Variants in KCNH5 observed in about 807,000 individuals in gnomAD.
The protein encoded by KCNH5 is potassium voltage-gated channel subfamily H member 5.
Under a neutral mutation model 96.1 loss-of-function variants are expected in KCNH5, and 46 were observed. The observed-to-expected ratio is 0.48, with a 90% confidence interval of 0.38 to 0.61. The LOEUF (loss-of-function observed/expected upper bound fraction) is 0.61, where lower values mean the gene tolerates loss of function less well. Ranked by LOEUF, KCNH5 falls within the 20% of genes least tolerant of loss-of-function variation. The probability of loss-of-function intolerance (pLI) is 0.00; values close to 1 mark genes in which losing one functional copy is unlikely to be tolerated. For missense variants in KCNH5, 907 were observed against 1,225.8 expected (o/e 0.74, Z 3.88); for synonymous variants, 439 against 449.8 (o/e 0.98, Z 0.30).
intron 6 of KCNH5, among the ~76,000 whole-genome samples, chr14:62,957,575 C>T (rs989635779): frequency 6.6e-5 from 10 of 152,182 alleles, no homozygotes; most frequent in African/African-American, 2.4e-4. Flanking sequence ...GGTCTGTTTC[C>T]TATCTCTTAA....
chr14:62,917,515 T>C lies in KCNH5; in HGVS notation c.1369+32618A>G, dbSNP rs1443363764. Among the ~76,000 whole-genome samples, 3 of 152,196 alleles carry C rather than the reference T, an allele frequency of 2.0e-5. No homozygotes were observed. The East Asian group carries it at 5.8e-4, about 29-fold the overall frequency. ...CTGAAGACTGAAAGTGTCCTGTGAA[T>C]GAGAAATTTATCTGCACCAAAATCC... On this transcript the variant is annotated intron_variant, in intron 7 of 10. Coordinates refer to ENST00000322893, the MANE Select transcript of KCNH5 (RefSeq NM_139318.5).
intron 7 of KCNH5, among the ~76,000 whole-genome samples, chr14:62,944,655 G>T (rs1175325120): frequency 6.6e-6 from 1 of 152,112 alleles, no homozygotes. Context: ...TCCAAATTTG[G>T]TTGACATTTC....
At chr14:62,997,693 C>T (rs982812600) in intron 4 of KCNH5, among the ~76,000 whole-genome samples, 2 of 151,358 alleles carry the variant, frequency 1.3e-5, no homozygotes, top group Non-Finnish European at 2.9e-5. Context: ...GTCAGGAGAT[C>T]GAGACCATCC....
intron 10 of KCNH5, 42 bp downstream of exon 10, chr14:62,779,686 A>T: frequency 6.6e-7 from 1 of 1,516,284 alleles, no homozygotes; most frequent in Non-Finnish European, 9.0e-7. Flanking sequence ...ATTAATTAAT[A>T]CTCTGGACAC....
intron 6 of KCNH5, among the ~76,000 whole-genome samples, chr14:62,978,581 C>G (rs1186888407): frequency 7.1e-6 from 1 of 140,736 alleles, no homozygotes; most frequent in Non-Finnish European, 1.5e-5. Context: ...AGTGAGACTC[C>G]GTCTCAAAAA....
chr14:62,826,054 G>C (rs58744703), intron 8 of KCNH5, among the ~76,000 whole-genome samples: 1 of 151,986 alleles, frequency 6.6e-6, no homozygotes, highest in Non-Finnish European at 1.5e-5. Flanking sequence ...TAATGTTTAA[G>C]TTACCTACAT....
intron 10 of KCNH5, among the ~76,000 whole-genome samples, chr14:62,777,685 G>A (rs1886125951): frequency 2.6e-5 from 4 of 152,130 alleles, no homozygotes; most frequent in South Asian, 4.1e-4. Flanking sequence ...GAAGAAAGCC[G>A]CTTGGTGTTA....
At chr14:62,769,283 T>C (rs1885934965) in intron 10 of KCNH5, among the ~76,000 whole-genome samples, 1 of 152,210 alleles carries the variant, frequency 6.6e-6, no homozygotes, top group Non-Finnish European at 1.5e-5. Context: ...CCATAACATG[T>C]AAGCAGAGCT....
Position 62,867,990 on chromosome 14 carries a change from T to C in KCNH5, c.1370-18138A>G, listed in dbSNP as rs139288119. Among the ~76,000 whole-genome samples the C allele has an allele frequency of 2.7e-3, 407 of 152,374 alleles. 2 individuals carry two copies. The highest frequency in any genetic ancestry group is 9.6e-3 in the African/African-American group (399 of 41,582). ...CATTGGATTGTGAATATGCTTGTTG[T>C]CTGTATAACCTGACGCTCTCTCCAA... On this transcript the variant is annotated intron_variant, in intron 7 of 10. Coordinates refer to ENST00000322893, the MANE Select transcript of KCNH5 (RefSeq NM_139318.5).
At chr14:62,804,676 C>A (rs937294913) in intron 8 of KCNH5, among the ~76,000 whole-genome samples, 1 of 152,170 alleles carries the variant, frequency 6.6e-6, no homozygotes, top group Admixed American at 6.6e-5. Context: ...CTATCACAAC[C>A]TTTGTAACCT....
chr14:62,945,931 T>C (rs1375455567), intron 7 of KCNH5, among the ~76,000 whole-genome samples: 1 of 152,092 alleles, frequency 6.6e-6, no homozygotes, highest in Non-Finnish European at 1.5e-5. Context: ...AGGAAGGCCT[T>C]GAAAGATGAG....
At chr14:62,995,092 T>C (rs1354779565) in intron 4 of KCNH5, among the ~76,000 whole-genome samples, 1 of 152,062 alleles carries the variant, frequency 6.6e-6, no homozygotes, top group African/African-American at 2.4e-5. Context: ...TTCCCAGATA[T>C]GAATCAGAAA....
intron 7 of KCNH5, among the ~76,000 whole-genome samples, chr14:62,924,224 C>A (rs1889431168): frequency 6.6e-6 from 1 of 152,016 alleles, no homozygotes; most frequent in African/African-American, 2.4e-5. Context: ...AGAAGGTACT[C>A]AACATCATTA....
chr14:63,006,504 CACTTTT>C, intron 2 of KCNH5, 32 bp from the exon 3 acceptor site: 1 of 1,297,414 alleles, frequency 7.7e-7, no homozygotes, highest in East Asian at 2.3e-5. Context: ...CAATCGATTT[CACTTTT>C]GTGTTGCCTT....
chr14:62,878,449 T>G (rs997641627), intron 7 of KCNH5, among the ~76,000 whole-genome samples: 2 of 152,160 alleles, frequency 1.3e-5, no homozygotes, highest in African/African-American at 2.4e-5. Context: ...ACAAAATATT[T>G]TTTTAAATTG....
At chr14:62,875,197 C>A (rs1888345590) in intron 7 of KCNH5, among the ~76,000 whole-genome samples, 2 of 149,782 alleles carry the variant, frequency 1.3e-5, no homozygotes, top group South Asian at 4.3e-4. Flanking sequence ...AAAGAGGATA[C>A]AAACAAATGG....
At chr14:62,741,489 T>A (rs950111998) in intron 10 of KCNH5, among the ~76,000 whole-genome samples, 3 of 152,146 alleles carry the variant, frequency 2.0e-5, no homozygotes, top group African/African-American at 7.2e-5. Flanking sequence ...AGATTTTAGA[T>A]TGTAAAAGGT....
In KCNH5 at chr14:63,045,081, G is replaced by T. The variant is rs750185593; in HGVS notation, c.73+33C>A. Reference sequence around the variant, plus strand: ...GGGGGGCGCGTGTGGGCGGGATGGAGGTGGGGGTGTTCTGAACTACAACTC... The same window carrying T: ...GGGGGGCGCGTGTGGGCGGGATGGATGTGGGGGTGTTCTGAACTACAACTC... On this transcript the variant is annotated intron_variant, in intron 1 of 10. Coordinates refer to ENST00000322893, the MANE Select transcript of KCNH5 (RefSeq NM_139318.5). 8.4e-6 allele frequency: 13 copies of T among 1,547,028 alleles called. No individual in the cohort carries two copies. In the South Asian group the frequency reaches 1.4e-4, roughly 17 times the overall value.
Position 62,708,065 on chromosome 14 carries a change from T to G in KCNH5, c.2410A>C (p.Lys804Gln). The G allele has an allele frequency of 6.2e-7, 1 of 1,614,220 alleles. No individual in the cohort carries two copies. The highest frequency in any genetic ancestry group is 8.5e-7 in the Non-Finnish European group (1 of 1,180,044). ...CLKVNSPIRM[K>Q]NGNGKGWLRL... ...AGCCACCCTTTTCCATTTCCATTCT[T>G]CATTCTTATTGGGCTGTTGACTTTG... The change falls in exon 11 of 11, where the codon AAG (lysine) becomes CAG (glutamine). Residue 804 changes from lysine to glutamine, a missense_variant. By Grantham distance (53) the Lys-to-Gln change is moderately conservative. Transcript: ENST00000322893.
Sources: gnomAD v4.1 joint callset for allele counts (sites outside exome capture counted in the v4.1 genomes callset) on GRCh38, gnomAD v4.1.1 for gene constraint, MANE v1.5 for transcripts, NCBI Gene and HGNC (gene_info 2026-07-23, HGNC 2026-07-21) for gene names.